C17orf78: variants seen among roughly 807,000 people sequenced by gnomAD.
C17orf78 encodes chromosome 17 open reading frame 78, also known as uncharacterized protein C17orf78.
C17orf78 carries 27 observed loss-of-function variants against 31.8 expected under a neutral mutation model. The ratio of observed to expected loss-of-function variants is 0.85; its 90% confidence interval spans 0.63 to 1.17. The LOEUF (loss-of-function observed/expected upper bound fraction) is 1.17. Ranked by LOEUF, C17orf78 falls within the 50% of genes most tolerant of loss-of-function variation. C17orf78 has a pLI of 0.00. For missense variants in C17orf78, 258 were observed against 315.2 expected (o/e 0.82, Z 1.37); for synonymous variants, 106 against 115.1 (o/e 0.92, Z 0.51).
chr17:37,377,582 C>A (rs1299370591), intron 1 of C17orf78, among the ~76,000 whole-genome samples: 2 of 151,950 alleles, frequency 1.3e-5, no homozygotes, highest in African/African-American at 4.8e-5. Flanking sequence ...ATCCCTTGAA[C>A]CCAGGAGGTG....
At chr17:37,390,959 G>A (rs2050856931) in intron 6 of C17orf78, among the ~76,000 whole-genome samples, 1 of 152,020 alleles carries the variant, frequency 6.6e-6, no homozygotes, top group African/African-American at 2.4e-5. Context: ...ATAAAAATAG[G>A]GCCAGGCGTG....
At chr17:37,376,528 C>T (rs756774388) in intron 1 of C17orf78, among the ~76,000 whole-genome samples, 10 of 152,068 alleles carry the variant, frequency 6.6e-5, no homozygotes, top group South Asian at 4.1e-4. Flanking sequence ...AATAGCTAGA[C>T]GGTGATATTC....
chr17:37,379,618 A>G (rs1046737542), intron 3 of C17orf78, among the ~76,000 whole-genome samples: 3 of 152,134 alleles, frequency 2.0e-5, no homozygotes, highest in Non-Finnish European at 4.4e-5. Flanking sequence ...GGCAAAGGAC[A>G]TGAACAGACA....
intron 1 of C17orf78, among the ~76,000 whole-genome samples, chr17:37,376,603 G>A (rs1275751812): frequency 6.6e-6 from 1 of 152,118 alleles, no homozygotes; most frequent in African/African-American, 2.4e-5. Context: ...CTGCTCTTTG[G>A]TAACTGCTTA....
In C17orf78 at chr17:37,389,226, CAG is replaced by C. The variant is rs2050681482; in HGVS notation, c.634-19_634-18del. On this transcript the variant is annotated intron_variant, in intron 5 of 6. Transcript: ENST00000615133. ...CTTACCAGCCACTTCATATTAATAC[CAG>C]TCATTTTCTCCCTTCAGTATCAATG... 4 of 1,561,856 alleles carry C rather than the reference CAG, an allele frequency of 2.6e-6. No individual in the cohort carries two copies. The highest frequency in any genetic ancestry group is 3.5e-6 in the Non-Finnish European group (4 of 1,153,176).
In C17orf78 at chr17:37,391,703, T is replaced by C; in HGVS notation, c.807T>C (p.Val269=). 3 of 1,613,826 alleles carry C rather than the reference T, an allele frequency of 1.9e-6. No homozygotes were observed. Among genetic ancestry groups the C allele is most frequent in the Non-Finnish European group, 2.5e-6 (3 of 1,179,820 alleles). The change falls in exon 7 of 7, where the codon GTT becomes GTC. Residue 269 remains valine, a synonymous_variant. Coordinates refer to ENST00000615133, the MANE Select transcript of C17orf78 (RefSeq NM_173625.5). The stretch of plus-strand genomic sequence containing the variant: ...CAAAGAAAGCTGCAGAGATCACTGT[T>C]ATCCACCAGACATACTTCTGAAAAG... ...SNPKKAAEIT[V]IHQTYF is the part of the protein sequence containing the mutation.
intron 5 of C17orf78, 129 bp from the exon 6 acceptor site, chr17:37,389,113 GGATA>G: frequency 1.6e-6 from 2 of 1,219,010 alleles, no homozygotes; most frequent in Non-Finnish European, 2.2e-6. Context: ...TTTCTAGGAA[GGATA>G]GGTCCAATAG....
intron 6 of C17orf78, among the ~76,000 whole-genome samples, chr17:37,391,133 G>T (rs2050865227): frequency 6.6e-6 from 1 of 152,160 alleles, no homozygotes; most frequent in Admixed American, 6.5e-5. Flanking sequence ...AGCTACTCAG[G>T]AGGCTGAGGC....
rs1029013445 is a variant in C17orf78, at chr17:37,379,083, C to T, written c.146-54C>T. The T allele has an allele frequency of 1.7e-4, 263 of 1,552,682 alleles. 3 individuals are homozygous for T. In the East Asian group the frequency reaches 5.8e-3, roughly 34 times the overall value. On this transcript the variant is annotated intron_variant, in intron 2 of 6. Transcript: ENST00000615133. ...CAAGGCACCGTCTCAAAAAAACCAA[C>T]CAAACAAAAAACAAAACCAGCTCCA...
At chr17:37,382,381 C>T (rs1398504790) in intron 3 of C17orf78, among the ~76,000 whole-genome samples, 4 of 151,398 alleles carry the variant, frequency 2.6e-5, no homozygotes, top group Admixed American at 6.6e-5. Flanking sequence ...TTAGTGTAGC[C>T]GGTTCCTCTT....
At chr17:37,389,951 C>G (rs2050720207) in intron 6 of C17orf78, among the ~76,000 whole-genome samples, 1 of 148,736 alleles carries the variant, frequency 6.7e-6, no homozygotes, top group African/African-American at 2.5e-5. Context: ...CCCATATAAA[C>G]TGAATCAGAT....
chr17:37,385,867 C>A, intron 3 of C17orf78, 142 bp from the exon 4 acceptor site: 2 of 544,738 alleles, frequency 3.7e-6, no homozygotes, highest in South Asian at 6.8e-5. Flanking sequence ...ATTTTGTGCT[C>A]ACACCCTAAA....
chr17:37,390,323 T>TATATATATAC (rs2050810272), intron 6 of C17orf78, among the ~76,000 whole-genome samples: 1 of 46,668 alleles, frequency 2.1e-5, no homozygotes, highest in Non-Finnish European at 3.5e-5. Flanking sequence ...TATATATATA[T>TATATATATAC]ATATATATAT....
rs534868477 is a variant in C17orf78 at position 37,378,005 on chromosome 17, C to T, written c.145+40C>T. On this transcript the variant is annotated intron_variant, in intron 2 of 6. Transcript: ENST00000615133. ...CTTTCTGGAAAATGATATTGCCATTCCAAAAAATTTTTACCTTTAAAAGAT... is the reference window on the plus strand; with the variant it reads ...CTTTCTGGAAAATGATATTGCCATTTCAAAAAATTTTTACCTTTAAAAGAT... 534 of 1,577,130 alleles carry T rather than the reference C, an allele frequency of 3.4e-4. 5 individuals carry two copies. In the South Asian group the frequency reaches 5.5e-3, roughly 16 times the overall value.
rs1042270858 is a variant in C17orf78 at position 37,380,901 on chromosome 17, T to TG, written c.391+1519_391+1520insG. 4.0e-5 allele frequency among the ~76,000 whole-genome samples: 6 copies of TG among 151,376 alleles called. 1 individual carries two copies. Among genetic ancestry groups the TG allele is most frequent in the African/African-American group, 1.5e-4 (6 of 41,030 alleles). On this transcript the variant is annotated intron_variant, in intron 3 of 6. Coordinates refer to ENST00000615133, the MANE Select transcript of C17orf78 (RefSeq NM_173625.5). The stretch of plus-strand genomic sequence containing the variant: ...GTGAGCCACCGTGCCTGGCCAGGTT[T>TG]TTTTTTTTTTTAATTTCATTTTGCA...
At position 37,390,411 on chromosome 17, in the gene C17orf78, G is replaced by A. The variant is rs187934727; in HGVS notation, c.750+1049G>A. The stretch of plus-strand genomic sequence containing the variant: ...TGGGAGGCCAAGGCAGGTGGATCAC[G>A]AGGTCAAGAGATTGAGACCATCCTA... On this transcript the variant is annotated intron_variant, in intron 6 of 6. Coordinates refer to ENST00000615133, the MANE Select transcript of C17orf78 (RefSeq NM_173625.5). Among the ~76,000 whole-genome samples the A allele has an allele frequency of 4.6e-4, 62 of 134,872 alleles. 1 individual carries two copies. In the East Asian group the frequency reaches 0.013, roughly 27 times the overall value. The allele number at this position is 134,872 out of a possible 152,430, so 88.5% of individuals were successfully genotyped here.
chr17:37,387,980 T>C (rs1380114657), intron 4 of C17orf78: 1 of 152,056 alleles, frequency 6.6e-6, no homozygotes, highest in East Asian at 1.9e-4. Context: ...GCGGGAAATA[T>C]AATGAGACTC....
At chr17:37,381,340 C>A (rs1017478375) in intron 3 of C17orf78, among the ~76,000 whole-genome samples, 1 of 151,890 alleles carries the variant, frequency 6.6e-6, no homozygotes, top group African/African-American at 2.4e-5. Context: ...TGCCCACCAC[C>A]ACACCCAGTG....
chr17:37,380,831 A>G (rs1370772078), intron 3 of C17orf78, among the ~76,000 whole-genome samples: 1 of 151,586 alleles, frequency 6.6e-6, no homozygotes, highest in African/African-American at 2.4e-5. Flanking sequence ...CTCTGACCTC[A>G]AGTATCTGCC....
Sources: allele counts gnomAD v4.1 joint callset (sites outside exome capture counted in the v4.1 genomes callset), GRCh38; gene constraint gnomAD v4.1.1; transcripts MANE v1.5; gene names NCBI Gene and HGNC (gene_info 2026-07-23, HGNC 2026-07-21).